Variants in HUNK observed in about 807,000 individuals in gnomAD.
HUNK encodes hormonally up-regulated Neu-associated kinase.
Under a neutral mutation model 61.0 loss-of-function variants are expected in HUNK, and 21 were observed. The observed-to-expected ratio is 0.34, with a 90% CI of 0.24 to 0.50. HUNK has a LOEUF of 0.50. HUNK is among the 20% of genes least tolerant of loss of function. The pLI is 0.98. For missense variants in HUNK, 772 were observed against 945.7 expected, an observed-to-expected ratio of 0.82 and a Z score of 2.41; for synonymous variants, 371 against 386.1, an observed-to-expected ratio of 0.96 and a Z score of 0.46.
intron 1 of HUNK, among the ~76,000 whole-genome samples, chr21:31,921,535 A>G (rs1202162293): frequency 6.6e-6 from 1 of 152,046 alleles, no homozygotes; most frequent in African/African-American, 2.4e-5. Flanking sequence ...GAGAGCTGGG[A>G]GGAGTTGGGA....
At chr21:31,919,365 AGAAATGCTTG>A (rs1353753231) in intron 1 of HUNK, among the ~76,000 whole-genome samples, 1 of 152,178 alleles carries the variant, frequency 6.6e-6, no homozygotes, top group East Asian at 1.9e-4. Context: ...GAGAGTGGGG[AGAAATGCTTG>A]GAAATACTGC....
At chr21:31,939,920 A>G (rs1056994938) in intron 2 of HUNK, among the ~76,000 whole-genome samples, 2 of 151,876 alleles carry the variant, frequency 1.3e-5, no homozygotes, top group African/African-American at 4.8e-5. Flanking sequence ...GAAACTTTTC[A>G]TGATCCCTTC....
At chr21:31,982,210 A>G (rs1203510879) in intron 7 of HUNK, among the ~76,000 whole-genome samples, 4 of 152,224 alleles carry the variant, frequency 2.6e-5, no homozygotes, top group Non-Finnish European at 5.9e-5. Context: ...GCTTGCCTAG[A>G]GTGTGGATTC....
chr21:31,942,009 A>G (rs1357318457), intron 3 of HUNK, among the ~76,000 whole-genome samples: 1 of 152,222 alleles, frequency 6.6e-6, no homozygotes, highest in Non-Finnish European at 1.5e-5. Context: ...CAGGAGTTCA[A>G]GACCAGCCTG....
intron 1 of HUNK, among the ~76,000 whole-genome samples, chr21:31,886,350 TGGGAGGC>T (rs1470357118): frequency 4.0e-5 from 6 of 148,454 alleles, no homozygotes; most frequent in Admixed American, 6.8e-5. Flanking sequence ...TGAACCTGGC[TGGGAGGC>T]GGACGTTGCA....
intron 7 of HUNK, 84 bp downstream of exon 7, chr21:31,974,801 A>C: frequency 7.7e-7 from 1 of 1,299,770 alleles, no homozygotes; most frequent in Admixed American, 2.5e-5. Flanking sequence ...AGTTGCTGAC[A>C]CTTGATCCAA....
At chr21:31,986,373 C>T (rs1389242322) in intron 8 of HUNK, among the ~76,000 whole-genome samples, 1 of 152,094 alleles carries the variant, frequency 6.6e-6, no homozygotes, top group Non-Finnish European at 1.5e-5. Context: ...CTCTCTGTCT[C>T]CATCCCCACA....
chr21:31,970,049 A>C (rs73354643), intron 6 of HUNK, among the ~76,000 whole-genome samples: 4,705 of 152,196 alleles, frequency 0.031, 243 homozygotes, highest in African/African-American at 0.11. Context: ...ACATTTGACC[A>C]GGCTTGGATG....
intron 1 of HUNK, among the ~76,000 whole-genome samples, chr21:31,900,479 A>ACAC (rs57151018): frequency 6.6e-6 from 1 of 151,480 alleles, no homozygotes; most frequent in African/African-American, 2.4e-5. Context: ...ACACACACAC[A>ACAC]AACTCTACTG....
At chr21:31,891,551 G>A (rs2052387797) in intron 1 of HUNK, among the ~76,000 whole-genome samples, 1 of 152,148 alleles carries the variant, frequency 6.6e-6, no homozygotes, top group African/African-American at 2.4e-5. Context: ...CATCCTGTTA[G>A]GATCCTGTTT....
chr21:31,966,895 C>T (rs139317520), intron 5 of HUNK, among the ~76,000 whole-genome samples: 14 of 152,198 alleles, frequency 9.2e-5, no homozygotes, highest in Non-Finnish European at 1.5e-4. Context: ...AAAACATTAC[C>T]GCAATACTTT....
At chr21:31,917,008 T>G (rs935767391) in intron 1 of HUNK, among the ~76,000 whole-genome samples, 4 of 151,966 alleles carry the variant, frequency 2.6e-5, no homozygotes, top group Admixed American at 6.6e-5. Flanking sequence ...TCCTGCATCT[T>G]GTATTTCGTT....
intron 6 of HUNK, among the ~76,000 whole-genome samples, chr21:31,970,418 A>G (rs2123850588): frequency 6.6e-6 from 1 of 152,296 alleles, no homozygotes; most frequent in Non-Finnish European, 1.5e-5. Context: ...TACCAAGGGA[A>G]CCTGGAAATA....
At chr21:31,882,479 A>G (rs2052315103) in intron 1 of HUNK, among the ~76,000 whole-genome samples, 1 of 152,184 alleles carries the variant, frequency 6.6e-6, no homozygotes, top group South Asian at 2.1e-4. Flanking sequence ...GAGATACCCT[A>G]TATGCATAGA....
intron 8 of HUNK, among the ~76,000 whole-genome samples, chr21:31,984,399 T>G (rs2053118963): frequency 6.6e-6 from 1 of 151,856 alleles, no homozygotes; most frequent in Admixed American, 6.6e-5. Context: ...AGGAAAAAAA[T>G]GCAAATGCTA....
intron 1 of HUNK, among the ~76,000 whole-genome samples, chr21:31,875,393 T>G (rs1258871235): frequency 6.6e-6 from 1 of 152,180 alleles, no homozygotes; most frequent in Non-Finnish European, 1.5e-5. Context: ...AGGCACCGCT[T>G]TATTATGGGT....
At chr21:31,918,698 C>A (rs889368063) in intron 1 of HUNK, among the ~76,000 whole-genome samples, 2 of 152,152 alleles carry the variant, frequency 1.3e-5, no homozygotes, top group Admixed American at 6.5e-5. Context: ...CATCTGATCC[C>A]CTCCGTCTTT....
At chr21:31,949,326 G>T (rs1046721566) in intron 4 of HUNK, among the ~76,000 whole-genome samples, 2 of 152,160 alleles carry the variant, frequency 1.3e-5, no homozygotes, top group Non-Finnish European at 2.9e-5. Flanking sequence ...TTCTGAGAAG[G>T]CCTCTGAATC....
chr21:31,986,164 G>A (rs2053131320), intron 8 of HUNK, among the ~76,000 whole-genome samples: 1 of 151,818 alleles, frequency 6.6e-6, no homozygotes, highest in Non-Finnish European at 1.5e-5. Flanking sequence ...TGAATGAAGG[G>A]GTCTTGAATC....
Sources: allele counts gnomAD v4.1 joint callset (sites outside exome capture counted in the v4.1 genomes callset), GRCh38; gene constraint gnomAD v4.1.1; transcripts MANE v1.5; gene names NCBI Gene and HGNC (gene_info 2026-07-23, HGNC 2026-07-21).